The following RBFOX1 variants were observed in gnomAD, a reference collection of about 807,000 sequenced individuals.
RBFOX1 encodes RNA binding protein fox-1 homolog 1.
Under a neutral mutation model 57.7 loss-of-function variants are expected in RBFOX1, and 8 were observed. The ratio of observed to expected loss-of-function variants is 0.14; its 90% CI spans 0.08 to 0.25. The LOEUF (loss-of-function observed/expected upper bound fraction) is 0.25. RBFOX1 is among the 10% of genes least tolerant of loss of function. The probability of loss-of-function intolerance (pLI) is 1.00; values close to 1 mark genes in which losing one functional copy is unlikely to be tolerated. For synonymous variants in RBFOX1, 326 were observed against 222.4 expected, an observed-to-expected ratio of 1.47 and a Z score of -4.15; for missense variants, 611 against 548.5, an observed-to-expected ratio of 1.11 and a Z score of -1.14.
chr16:6,396,065 C>CAAAAAAAAAAAAA, intron 2 of RBFOX1, among the ~76,000 whole-genome samples: 1 of 61,472 alleles, frequency 1.6e-5, no homozygotes, highest in Non-Finnish European at 3.1e-5. Flanking sequence ...GACTCCTTCT[C>CAAAAAAAAAAAAA]AAAAAAAAAA....
chr16:7,522,367 G>C (rs1377473930), intron 5 of RBFOX1, among the ~76,000 whole-genome samples: 3 of 152,194 alleles, frequency 2.0e-5, no homozygotes, highest in Non-Finnish European at 1.5e-5. Context: ...GGGATGTTCA[G>C]ATTGGGCATT....
chr16:5,243,456 A>T (rs2062219162), intron 1 of RBFOX1, among the ~76,000 whole-genome samples: 1 of 152,136 alleles, frequency 6.6e-6, no homozygotes, highest in African/African-American at 2.4e-5. Flanking sequence ...TGGGTTTCTC[A>T]GCTTTGGCAC....
rs9922962 is a variant in RBFOX1 at position 7,557,226 on chromosome 16, A to C, written c.271-22551A>C. Among the ~76,000 whole-genome samples the C allele has an allele frequency of 7.1e-3, 1,082 of 152,210 alleles. 9 individuals are homozygous for C. The highest frequency in any genetic ancestry group is 0.025 in the African/African-American group (1,025 of 41,524). ...ACCCAGGTGTTTCTTCCTATAGCTGAGGGCTTCATCAGTACTTAGCACAGC... is the reference window on the plus strand; with the variant it reads ...ACCCAGGTGTTTCTTCCTATAGCTGCGGGCTTCATCAGTACTTAGCACAGC... On this transcript the variant is annotated intron_variant, in intron 5 of 15. Coordinates refer to ENST00000550418, the MANE Select transcript of RBFOX1 (RefSeq NM_018723.4).
At chr16:7,514,980 T>A (rs2152111438) in intron 4 of RBFOX1, among the ~76,000 whole-genome samples, 1 of 152,324 alleles carries the variant, frequency 6.6e-6, no homozygotes, top group East Asian at 1.9e-4. Context: ...ACTGCTTATG[T>A]GGTTATTCTG....
chr16:5,943,967 C>G (rs2059336239), intron 4 of RBFOX1, among the ~76,000 whole-genome samples: 1 of 151,068 alleles, frequency 6.6e-6, no homozygotes, highest in Non-Finnish European at 1.5e-5. Context: ...ATCCATCCAC[C>G]CCCCCACCCA....
intron 3 of RBFOX1, among the ~76,000 whole-genome samples, chr16:6,975,532 G>A (rs969970171): frequency 6.6e-6 from 1 of 152,112 alleles, no homozygotes; most frequent in East Asian, 1.9e-4. Context: ...CTCCCAAAGT[G>A]CTGGGATTAC....
intron 4 of RBFOX1, chr16:5,867,388 T>C: frequency 9.4e-7 from 1 of 1,058,446 alleles, no homozygotes; most frequent in Non-Finnish European, 1.2e-6. Flanking sequence ...AGTGGGTTTC[T>C]TTTGTGATGG....
chr16:6,953,274 C>T (rs1315767001), intron 3 of RBFOX1, among the ~76,000 whole-genome samples: 2 of 152,144 alleles, frequency 1.3e-5, no homozygotes, highest in South Asian at 2.1e-4. Flanking sequence ...CAAACATATA[C>T]ACCGAAATAA....
chr16:5,739,061 C>T (rs1051446379), intron 3 of RBFOX1, among the ~76,000 whole-genome samples: 2 of 152,222 alleles, frequency 1.3e-5, no homozygotes, highest in African/African-American at 2.4e-5. Context: ...TGTCTTGAAA[C>T]ACCTTGAAAT....
At chr16:6,682,618 C>G (rs1603396813) in intron 3 of RBFOX1, among the ~76,000 whole-genome samples, 2 of 152,022 alleles carry the variant, frequency 1.3e-5, no homozygotes, top group African/African-American at 4.8e-5. Context: ...CTCCAACCGC[C>G]AGATGTCGAG....
intron 3 of RBFOX1, among the ~76,000 whole-genome samples, chr16:6,922,084 G>T (rs1241719772): frequency 6.6e-6 from 1 of 152,166 alleles, no homozygotes; most frequent in Non-Finnish European, 1.5e-5. Flanking sequence ...TCACTGCCCA[G>T]ATTTTAGCAT....
intron 4 of RBFOX1, among the ~76,000 whole-genome samples, chr16:7,148,488 C>T (rs1488668838): frequency 6.6e-6 from 1 of 152,184 alleles, no homozygotes; most frequent in Non-Finnish European, 1.5e-5. Context: ...ATCTTTTTCA[C>T]ACGCCGGCAG....
chr16:7,011,081 T>C (rs527495339), intron 3 of RBFOX1, among the ~76,000 whole-genome samples: 15 of 151,934 alleles, frequency 9.9e-5, no homozygotes, highest in Admixed American at 2.6e-4. Flanking sequence ...TTTTTTTTTT[T>C]CCTGGGTGGG....
intron 2 of RBFOX1, among the ~76,000 whole-genome samples, chr16:6,652,016 T>A (rs765058318): frequency 5.9e-5 from 9 of 152,224 alleles, no homozygotes; most frequent in Admixed American, 2.6e-4. Flanking sequence ...AAGTCCTCAA[T>A]TGTATAACTG....
Position 5,665,131 on chromosome 16 carries a change from T to TGGG in RBFOX1, c.318+66177_318+66179dup, listed in dbSNP as rs141383358. On this transcript the variant is annotated intron_variant, in intron 3 of 19. Transcript: ENST00000641259. ...TGGCTAACTTTTTGATATTTTTACA[T>TGGG]GGGGGGGGGCGGTCTTGCTATATTG... Among the ~76,000 whole-genome samples the TGGG allele has an allele frequency of 6.7e-3, 656 of 97,474 alleles. 15 individuals carry two copies. Among genetic ancestry groups the TGGG allele is most frequent in the African/African-American group, 0.015 (357 of 23,538 alleles). 63.9% of individuals were successfully genotyped at this position (97,474 alleles called of 152,430 possible). A position where few individuals can be genotyped will look rare whatever the true frequency, so the allele number is the denominator to read the frequency against.
At chr16:5,478,782 A>T (rs1239505185) in intron 2 of RBFOX1, among the ~76,000 whole-genome samples, 1 of 152,078 alleles carries the variant, frequency 6.6e-6, no homozygotes, top group Non-Finnish European at 1.5e-5. Flanking sequence ...GAGCCATAGT[A>T]TGTTACAGGA....
At chr16:6,439,599 C>T (rs1210314050) in intron 2 of RBFOX1, among the ~76,000 whole-genome samples, 1 of 152,194 alleles carries the variant, frequency 6.6e-6, no homozygotes, top group Non-Finnish European at 1.5e-5. Context: ...ATATACCCTT[C>T]CTGATTTCTT....
chr16:7,045,621 C>T (rs150325805), intron 3 of RBFOX1, among the ~76,000 whole-genome samples: 137 of 151,972 alleles, frequency 9.0e-4, no homozygotes, highest in Non-Finnish European at 1.6e-4. Flanking sequence ...TATTTGAAGG[C>T]AGATGTTAAA....
At chr16:7,638,467 G>A (rs1176533863) in intron 11 of RBFOX1, among the ~76,000 whole-genome samples, 2 of 152,152 alleles carry the variant, frequency 1.3e-5, no homozygotes, top group African/African-American at 4.8e-5. Context: ...AAATGGCTGA[G>A]CAGGGAGTGG....
Sources: gnomAD v4.1 joint callset for allele counts (sites outside exome capture counted in the v4.1 genomes callset) on GRCh38, gnomAD v4.1.1 for gene constraint, MANE v1.5 for transcripts, NCBI Gene and HGNC (gene_info 2026-07-23, HGNC 2026-07-21) for gene names.